The following CEP70 variants were observed in gnomAD, a reference collection of about 807,000 sequenced individuals.
CEP70 encodes centrosomal protein of 70 kDa.
A neutral mutation model predicts 90.9 loss-of-function variants in CEP70; 70 were observed. The ratio of observed to expected loss-of-function variants is 0.77; its 90% CI spans 0.64 to 0.94. The LOEUF is 0.94. CEP70 is among the 40% of genes least tolerant of loss of function. The pLI, the probability that CEP70 is intolerant of heterozygous loss-of-function variation, is 0.00. For missense variants in CEP70, 648 were observed against 669.0 expected (o/e 0.97, Z 0.35); for synonymous variants, 220 against 228.3 (o/e 0.96, Z 0.33).
At chr3:138,558,425 C>T (rs1184429869) in intron 6 of CEP70, among the ~76,000 whole-genome samples, 1 of 151,996 alleles carries the variant, frequency 6.6e-6, no homozygotes, top group Non-Finnish European at 1.5e-5. Flanking sequence ...CTACATTTCC[C>T]ACAAGTGTGT....
chr3:138,566,706 T>C lies in CEP70; in HGVS notation c.465+3612A>G, dbSNP rs1007380959. The stretch of plus-strand genomic sequence containing the variant: ...GGATAGCATTAGGAGAAATACCTAA[T>C]GTAGATGACGGGTTGATGAGTGCAG... On this transcript the variant is annotated intron_variant, in intron 6 of 17. Transcript: ENST00000264982. Among the ~76,000 whole-genome samples, 4 of 152,092 alleles carry C rather than the reference T, an allele frequency of 2.6e-5. No individual in the cohort carries two copies. The East Asian group carries it at 7.7e-4, about 29-fold the overall frequency.
chr3:138,543,198 T>A (rs978136852), intron 6 of CEP70, among the ~76,000 whole-genome samples: 1 of 152,124 alleles, frequency 6.6e-6, no homozygotes, highest in Non-Finnish European at 1.5e-5. Context: ...CCTGTCTACC[T>A]CTCACCACCA....
intron 6 of CEP70, among the ~76,000 whole-genome samples, chr3:138,542,589 A>C (rs930188252): frequency 2.6e-5 from 4 of 152,186 alleles, no homozygotes; most frequent in Admixed American, 1.3e-4. Context: ...TGGCGCAGCC[A>C]CCAGGTGCCA....
In CEP70 at chr3:138,582,494, A is replaced by G. The variant is rs529581363; in HGVS notation, c.-6+9360T>C. ...CTCAAAAAATTAAAAAATAAAAAAT[A>G]ATGAGCCAGGCATGGTGGCCTTTAA... On this transcript the variant is annotated intron_variant, in intron 2 of 17. Transcript: ENST00000264982. Among the ~76,000 whole-genome samples the G allele has an allele frequency of 1.3e-3, 196 of 150,498 alleles. 2 individuals carry two copies. Among genetic ancestry groups the G allele is most frequent in the African/African-American group, 4.5e-3 (186 of 40,894 alleles).
At chr3:138,503,303 A>C (rs933790633) in intron 13 of CEP70, among the ~76,000 whole-genome samples, 2 of 152,218 alleles carry the variant, frequency 1.3e-5, no homozygotes, top group African/African-American at 4.8e-5. Flanking sequence ...TATTTCACTT[A>C]GCATAATGTC....
At chr3:138,522,294 TA>T (rs71626068) in intron 11 of CEP70, among the ~76,000 whole-genome samples, 10,642 of 105,546 alleles carry the variant, frequency 0.1, 731 homozygotes, top group East Asian at 0.41. Context: ...CTAAAAAAAT[TA>T]AAAAAAAAAA....
intron 2 of CEP70, among the ~76,000 whole-genome samples, chr3:138,578,077 G>A (rs2041649570): frequency 6.6e-6 from 1 of 152,216 alleles, no homozygotes; most frequent in African/African-American, 2.4e-5. Flanking sequence ...CCACCTGCAA[G>A]TACCAAAATC....
intron 11 of CEP70, among the ~76,000 whole-genome samples, chr3:138,511,649 T>C (rs951450605): frequency 3.9e-5 from 6 of 152,226 alleles, no homozygotes; most frequent in African/African-American, 1.2e-4. Flanking sequence ...ATTAACCAGA[T>C]GAATAAATAG....
chr3:138,568,016 A>C (rs2040906200), intron 6 of CEP70, among the ~76,000 whole-genome samples: 1 of 152,086 alleles, frequency 6.6e-6, no homozygotes. Flanking sequence ...TTCTGTTTAC[A>C]CTCTATAAAA....
Position 138,570,438 on chromosome 3 carries a change from C to T in CEP70, c.345G>A (p.Leu115=), listed in dbSNP as rs1213728373. Residue 115 remains leucine, a synonymous_variant, in exon 6 of 18, where the codon TTG becomes TTA. Coordinates refer to ENST00000264982, the MANE Select transcript of CEP70 (RefSeq NM_024491.4). ...AANQEQRAND[L]EQIMESVKSK... Reference sequence around the variant, plus strand: ...ATTTCACACTTTCCATAATTTGTTCCAAGTCATTAGCTCGTTGTTCTTGAT... The same window carrying T: ...ATTTCACACTTTCCATAATTTGTTCTAAGTCATTAGCTCGTTGTTCTTGAT... The T allele has an allele frequency of 6.2e-7, 1 of 1,610,288 alleles. No homozygotes were observed. Among genetic ancestry groups the T allele is most frequent in the Non-Finnish European group, 8.5e-7 (1 of 1,178,836 alleles).
chr3:138,529,415 C>T lies in CEP70; in HGVS notation c.740G>A (p.Arg247Lys). 6.2e-7 allele frequency: 1 copy of T among 1,612,458 alleles called. No homozygotes were observed. Among genetic ancestry groups the T allele is most frequent in the Non-Finnish European group, 8.5e-7 (1 of 1,179,088 alleles). The stretch of plus-strand genomic sequence containing the variant: ...ATAAGTTGGTGAGGCATCCAGATTT[C>T]TGTAGTCGTTTTCTTCTTCTGACTG... ...ESQSEEENDY[R>K]NLDASPTYKG... is the part of the protein sequence containing the mutation. The change falls in exon 9 of 18, where the codon AGA becomes AAA. Residue 247 changes from arginine (R) to lysine (K), a missense_variant. By Grantham distance (26) the Arg-to-Lys change is conservative. Coordinates refer to ENST00000264982, the MANE Select transcript of CEP70 (RefSeq NM_024491.4).
intron 2 of CEP70, among the ~76,000 whole-genome samples, chr3:138,578,243 A>G (rs2041659781): frequency 6.6e-6 from 1 of 152,206 alleles, no homozygotes; most frequent in African/African-American, 2.4e-5. Context: ...AGTTATTCTC[A>G]CGAACACTAA....
At chr3:138,511,174 C>A (rs980795796) in intron 11 of CEP70, among the ~76,000 whole-genome samples, 1 of 152,048 alleles carries the variant, frequency 6.6e-6, no homozygotes, top group Non-Finnish European at 1.5e-5. Context: ...CCCCCCCAGT[C>A]CTAACACAGT....
At chr3:138,580,640 C>A (rs941898268) in intron 2 of CEP70, among the ~76,000 whole-genome samples, 9 of 152,034 alleles carry the variant, frequency 5.9e-5, no homozygotes, top group Non-Finnish European at 1.5e-5. Flanking sequence ...AAGTATCAAG[C>A]CCATCCAGGA....
rs1026277253 is a variant in CEP70, at chr3:138,565,230, T to C, written c.465+5088A>G. On this transcript the variant is annotated intron_variant, in intron 6 of 17. Coordinates refer to ENST00000264982, the MANE Select transcript of CEP70 (RefSeq NM_024491.4). ...CAAATGGAAAAACATTCCATGCTCA[T>C]AGATAGGAAGAATCAATATTGTGAA... Among the ~76,000 whole-genome samples, 4 of 152,178 alleles carry C rather than the reference T, an allele frequency of 2.6e-5. No individual in the cohort carries two copies. The East Asian group carries it at 7.7e-4, about 29-fold the overall frequency.
At chr3:138,555,375 T>G (rs887793029) in intron 6 of CEP70, among the ~76,000 whole-genome samples, 6 of 152,008 alleles carry the variant, frequency 3.9e-5, no homozygotes, top group African/African-American at 1.4e-4. Flanking sequence ...AGGCAAAGAT[T>G]TCATGACCAA....
In CEP70 at chr3:138,495,029, CT is replaced by C; in HGVS notation, c.1779del (p.Val594TyrfsTer30). The C allele has an allele frequency of 6.6e-7, 1 of 1,511,522 alleles. No individual in the cohort carries two copies. The highest frequency in any genetic ancestry group is 9.2e-7 in the Non-Finnish European group (1 of 1,090,320). 93.6% of individuals were successfully genotyped at this position (1,511,522 alleles called of 1,614,324 possible). On this transcript the variant is annotated frameshift_variant, in exon 18 of 18. Coordinates refer to ENST00000264982, the MANE Select transcript of CEP70 (RefSeq NM_024491.4). LOFTEE classifies it high-confidence loss of function. ...TTGATTTGTTTTCAGTATGAAAGTA[CT>C]TTTAATTTCTTTACTGCAGGTACAA... Reference protein sequence around the residue: ...DAIVPAVKKLKVLSY With the variant: ...DAIVPAVKKLXVLSY
intron 11 of CEP70, among the ~76,000 whole-genome samples, chr3:138,517,372 AAAAT>A (rs1308271532): frequency 6.6e-6 from 1 of 152,158 alleles, no homozygotes; most frequent in Non-Finnish European, 1.5e-5. Context: ...ACATGTAATA[AAAAT>A]AAATAAAATA....
At chr3:138,569,422 TA>T (rs1359487510) in intron 6 of CEP70, among the ~76,000 whole-genome samples, 3 of 152,224 alleles carry the variant, frequency 2.0e-5, no homozygotes, top group African/African-American at 4.8e-5. Flanking sequence ...AAACAACTCA[TA>T]CAACTAAACA....
Sources: gnomAD v4.1 joint callset for allele counts (sites outside exome capture counted in the v4.1 genomes callset) on GRCh38, gnomAD v4.1.1 for gene constraint, MANE v1.5 for transcripts, NCBI Gene and HGNC (gene_info 2026-07-23, HGNC 2026-07-21) for gene names.